The following HERC1 variants were observed in gnomAD, a reference collection of about 807,000 sequenced individuals.
HERC1 encodes HECT and RLD domain containing E3 ubiquitin protein ligase family member 1, also known as probable E3 ubiquitin-protein ligase HERC1.
In HERC1, 160 loss-of-function variants were observed where a neutral mutation model predicts 554.3. The ratio of observed to expected loss-of-function variants is 0.29; its 90% CI spans 0.25 to 0.33. HERC1 has a LOEUF of 0.33. Ranked by LOEUF, HERC1 falls within the 10% of genes least tolerant of loss-of-function variation. The probability of loss-of-function intolerance (pLI) is 1.00; values close to 1 mark genes in which losing one functional copy is unlikely to be tolerated. For synonymous variants in HERC1, 2,175 were observed against 2,131.7 expected, an observed-to-expected ratio of 1.02 and a Z score of -0.56; for missense variants, 4,919 against 5,918.5, an observed-to-expected ratio of 0.83 and a Z score of 5.54.
At position 63,612,424 on chromosome 15, in the gene HERC1, G is replaced by A. The variant is rs749255908; in HGVS notation, c.14227C>T (p.Arg4743Trp). ...ISVEVLKKVV[R>W]YREVDEQHQL... ...TGCTGCTCATCCACCTCACGGTACCGCACCACTTTCTTCAAGACTTCCACA... is the reference window on the plus strand; with the variant it reads ...TGCTGCTCATCCACCTCACGGTACCACACCACTTTCTTCAAGACTTCCACA... The change falls in exon 77 of 78, where the codon CGG (arginine) becomes TGG (tryptophan). Residue 4743 changes from arginine (R) to tryptophan (W), a missense_variant. Arg to Trp is a moderately radical substitution (Grantham distance 101). Around this residue, in one of 11 missense-constraint regions of HERC1, gnomAD observed 284 missense variants for 294.1 expected, o/e 0.97. Coordinates refer to ENST00000443617, the MANE Select transcript of HERC1 (RefSeq NM_003922.4). The surrounding 1 kb of genome is among the most constrained non-coding windows in gnomAD (Gnocchi z 5.0). 1.2e-6 allele frequency: 2 copies of A among 1,613,942 alleles called. No homozygotes were observed. Among genetic ancestry groups the A allele is most frequent in the Non-Finnish European group, 1.7e-6 (2 of 1,179,888 alleles).
intron 76 of HERC1, among the ~76,000 whole-genome samples, chr15:63,615,030 G>A (rs1437417172): frequency 1.3e-5 from 2 of 152,192 alleles, no homozygotes; most frequent in Non-Finnish European, 2.9e-5. Flanking sequence ...AAGAACAGCA[G>A]CAAGACAGGG....
chr15:63,824,533 CA>C (rs34774319), intron 1 of HERC1, among the ~76,000 whole-genome samples: 68 of 131,944 alleles, frequency 5.2e-4, no homozygotes, highest in East Asian at 4.4e-3. Flanking sequence ...GACTCCATCT[CA>C]AAAAAAAAAA....
At chr15:63,784,134 G>T (rs976669546) in intron 1 of HERC1, among the ~76,000 whole-genome samples, 1 of 151,544 alleles carries the variant, frequency 6.6e-6, no homozygotes, top group Non-Finnish European at 1.5e-5. Flanking sequence ...AAGGTTTCAT[G>T]GATGTCCTGA....
chr15:63,612,359 G>A lies in HERC1; in HGVS notation c.14292C>T (p.Phe4764=). ...VQWFWHTLEE[F]SNEERVLFMR... ...TGAAAAGCACCCGCTCCTCATTGGA[G>A]AACTCTTCCAGCGTGTGCCAGAACC... The change falls in exon 77 of 78, where the codon TTC becomes TTT. Residue 4764 remains phenylalanine (F), a synonymous_variant. Transcript: ENST00000443617. This position sits in a 1 kb window ranked among gnomAD's most constrained non-coding sequence, Gnocchi z 5.0. 1 of 1,614,020 alleles carries A rather than the reference G, an allele frequency of 6.2e-7. No homozygotes were observed. The highest frequency in any genetic ancestry group is 8.5e-7 in the Non-Finnish European group (1 of 1,179,890).
At chr15:63,751,339 C>G (rs2075237831) in intron 8 of HERC1, among the ~76,000 whole-genome samples, 1 of 152,158 alleles carries the variant, frequency 6.6e-6, no homozygotes, top group South Asian at 2.1e-4. Context: ...ATAGGCTATA[C>G]CATATAGTCT....
At chr15:63,829,561 G>GTGTGTGTGTGTA (rs1220043639) in intron 1 of HERC1, among the ~76,000 whole-genome samples, 9 of 81,732 alleles carry the variant, frequency 1.1e-4, no homozygotes, top group African/African-American at 4.7e-4. Flanking sequence ...GTGTGTGTGT[G>GTGTGTGTGTGTA]TATATATATA....
At chr15:63,828,138 A>C (rs536845310) in intron 1 of HERC1, among the ~76,000 whole-genome samples, 1 of 152,300 alleles carries the variant, frequency 6.6e-6, no homozygotes, top group Admixed American at 6.5e-5. Flanking sequence ...TATGGCAATA[A>C]GTAACTGTAT....
intron 14 of HERC1, among the ~76,000 whole-genome samples, chr15:63,730,920 G>T (rs966592053): frequency 2.0e-5 from 3 of 152,150 alleles, no homozygotes; most frequent in Non-Finnish European, 4.4e-5. Context: ...ATTTTAAAAA[G>T]TTAAAAGCAC....
chr15:63,833,279 C>G (rs1283666435), intron 1 of HERC1, among the ~76,000 whole-genome samples: 1 of 152,188 alleles, frequency 6.6e-6, no homozygotes, highest in Non-Finnish European at 1.5e-5. Flanking sequence ...AGATGATGAG[C>G]TGCCCTCACC....
chr15:63,624,258 G>C lies in HERC1; in HGVS notation c.13345C>G (p.Pro4449Ala), dbSNP rs1161965756. The C allele has an allele frequency of 1.9e-6, 3 of 1,613,470 alleles. No homozygotes were observed. Among genetic ancestry groups the C allele is most frequent in the Non-Finnish European group, 2.5e-6 (3 of 1,179,694 alleles). ...VQGQLRPLLAPRVYTLPMVRS... is the reference protein window; with the variant it reads ...VQGQLRPLLAARVYTLPMVRS... ...ACCATTGGCAGAGTGTAGACTCTTG[G>C]GGCTAACAAAGGCCGAAGTTGTCCC... Residue 4449 changes from proline to alanine, a missense_variant, in exon 72 of 78, where the codon CCA (proline) becomes GCA (alanine). Pro to Ala is a conservative substitution (Grantham distance 27). Coordinates refer to ENST00000443617, the MANE Select transcript of HERC1 (RefSeq NM_003922.4).
At chr15:63,722,752 TGTTA>T (rs1226118374) in intron 19 of HERC1, among the ~76,000 whole-genome samples, 2 of 152,206 alleles carry the variant, frequency 1.3e-5, no homozygotes, top group Non-Finnish European at 2.9e-5. Flanking sequence ...TTACTGTTGT[TGTTA>T]ATGTCTTACT....
intron 1 of HERC1, among the ~76,000 whole-genome samples, chr15:63,821,742 A>T (rs1023891331): frequency 6.6e-6 from 1 of 151,110 alleles, no homozygotes; most frequent in Admixed American, 6.6e-5. Flanking sequence ...AAAAAAAAAA[A>T]AAAAAAAATC....
At chr15:63,690,896 T>C (rs1007375599) in intron 31 of HERC1, among the ~76,000 whole-genome samples, 2 of 152,232 alleles carry the variant, frequency 1.3e-5, no homozygotes, top group Admixed American at 6.5e-5. Flanking sequence ...CTGTGCCAGA[T>C]ACTATGCTAT....
intron 1 of HERC1, among the ~76,000 whole-genome samples, chr15:63,786,240 G>A (rs1318440531): frequency 3.4e-5 from 5 of 147,316 alleles, no homozygotes; most frequent in South Asian, 2.1e-4. Context: ...GCCACTACAC[G>A]CCAGGCTAGA....
Position 63,764,190 on chromosome 15 carries a change from C to A in HERC1, c.932G>T (p.Gly311Val), listed in dbSNP as rs574150491. Reference protein sequence around the residue: ...TILMQMRRSLGSSADRSQWRE... With the variant: ...TILMQMRRSLVSSADRSQWRE... ...CCACTGACTCCGATCAGCAGATGAA[C>A]CCTATAATTAAAACATTGCGGGACA... is the stretch of plus-strand genomic sequence containing the variant. The change falls in exon 3 of 78, where the codon GGT becomes GTT. Residue 311 changes from glycine (G) to valine (V), a missense_variant and splice_region_variant. By Grantham distance (109) the Gly-to-Val change is moderately radical. Coordinates refer to ENST00000443617, the MANE Select transcript of HERC1 (RefSeq NM_003922.4). The A allele has an allele frequency of 6.2e-6, 10 of 1,602,352 alleles. No individual in the cohort carries two copies. The Admixed American group carries it at 8.5e-5, about 14-fold the overall frequency.
chr15:63,777,182 T>C (rs1453630503), intron 1 of HERC1, among the ~76,000 whole-genome samples: 1 of 152,172 alleles, frequency 6.6e-6, no homozygotes, highest in Non-Finnish European at 1.5e-5. Context: ...CTACAGTAAT[T>C]AAAAGGAGTT....
intron 74 of HERC1, among the ~76,000 whole-genome samples, chr15:63,617,014 T>C (rs2067848308): frequency 6.6e-6 from 1 of 152,172 alleles, no homozygotes; most frequent in Admixed American, 6.5e-5. Context: ...ATCTTTTTTT[T>C]TTTTTATTAT....
chr15:63,790,336 T>C (rs1273988851), intron 1 of HERC1, among the ~76,000 whole-genome samples: 3 of 152,160 alleles, frequency 2.0e-5, no homozygotes, highest in Admixed American at 6.5e-5. Context: ...CCCAGCACTT[T>C]AGGAGGCCGA....
rs765684383 is a variant in HERC1, at chr15:63,664,532, C to T, written c.8618G>A (p.Arg2873His). Residue 2873 changes from arginine (R) to histidine (H), a missense_variant, in exon 43 of 78, where the codon CGC (arginine) becomes CAC (histidine). Coordinates refer to ENST00000443617, the MANE Select transcript of HERC1 (RefSeq NM_003922.4). ...ASGSGPSARG[R>H]SAVTRRHKFD... ...CTTGTGTCTTCTTGTTACCGCTGAG[C>T]GACCTCTAGCTGATGGTCCACTTCC... The T allele has an allele frequency of 3.3e-5, 53 of 1,613,270 alleles. No homozygotes were observed. In the South Asian group the frequency reaches 3.7e-4, roughly 11 times the overall value.
Sources: allele counts gnomAD v4.1 joint callset (sites outside exome capture counted in the v4.1 genomes callset), GRCh38; gene constraint gnomAD v4.1.1; regional missense constraint gnomAD v4.1.1; non-coding constraint Gnocchi (gnomAD v3.1); transcripts MANE v1.5; gene names NCBI Gene and HGNC (gene_info 2026-07-23, HGNC 2026-07-21).